Variants in SRGAP1 observed in about 807,000 individuals in gnomAD.
SRGAP1 encodes the protein SLIT-ROBO Rho GTPase activating protein 1.
Under a neutral mutation model 121.9 loss-of-function variants are expected in SRGAP1, and 43 were observed. The ratio of observed to expected loss-of-function variants is 0.35; its 90% CI spans 0.28 to 0.46. The LOEUF (loss-of-function observed/expected upper bound fraction) is 0.46, where lower values mean the gene tolerates loss of function less well. Ranked by LOEUF, SRGAP1 falls within the 20% of genes least tolerant of loss-of-function variation. The pLI, the probability that SRGAP1 is intolerant of heterozygous loss-of-function variation, is 1.00. For synonymous variants in SRGAP1, 447 were observed against 485.4 expected (o/e 0.92, Z 1.04); for missense variants, 1,102 against 1,350.9 (o/e 0.82, Z 2.89).
intron 1 of SRGAP1, among the ~76,000 whole-genome samples, chr12:63,955,712 A>G (rs929501449): frequency 6.6e-6 from 1 of 152,064 alleles, no homozygotes; most frequent in African/African-American, 2.4e-5. Context: ...TATTTTTGAA[A>G]AAAAAAAACA....
At chr12:64,120,256 G>GT (rs1234351595) in intron 18 of SRGAP1, among the ~76,000 whole-genome samples, 2 of 151,986 alleles carry the variant, frequency 1.3e-5, no homozygotes, top group Non-Finnish European at 2.9e-5. Flanking sequence ...ATTTTCCACT[G>GT]TGTTTGTAAA....
At chr12:64,086,415 G>A (rs2035940064) in intron 10 of SRGAP1, among the ~76,000 whole-genome samples, 1 of 152,116 alleles carries the variant, frequency 6.6e-6, no homozygotes, top group Non-Finnish European at 1.5e-5. Context: ...TCTGTGAAAG[G>A]CTTTTAGCTT....
At chr12:63,862,906 A>G (rs1332353715) in intron 1 of SRGAP1, among the ~76,000 whole-genome samples, 2 of 152,200 alleles carry the variant, frequency 1.3e-5, no homozygotes, top group African/African-American at 2.4e-5. Context: ...AGATTTGATC[A>G]TTGCTGCAGG....
intron 4 of SRGAP1, among the ~76,000 whole-genome samples, chr12:64,035,882 C>G (rs2136494624): frequency 6.6e-6 from 1 of 152,334 alleles, no homozygotes. Context: ...TGCACTGTTA[C>G]TTCTACATCA....
intron 11 of SRGAP1, among the ~76,000 whole-genome samples, chr12:64,089,246 A>G (rs559638872): frequency 4.7e-4 from 72 of 152,258 alleles, no homozygotes; most frequent in African/African-American, 1.6e-3. Context: ...GATAGTCCCT[A>G]TGCCCCAAAG....
intron 8 of SRGAP1, among the ~76,000 whole-genome samples, chr12:64,072,375 G>A (rs1172120452): frequency 2.6e-5 from 4 of 152,072 alleles, no homozygotes; most frequent in Non-Finnish European, 5.9e-5. Context: ...TACATGGAGT[G>A]TGTTATGGTA....
At chr12:63,961,056 T>C (rs960423871) in intron 1 of SRGAP1, among the ~76,000 whole-genome samples, 4 of 152,210 alleles carry the variant, frequency 2.6e-5, no homozygotes, top group African/African-American at 7.2e-5. Flanking sequence ...CCTGTAATCA[T>C]TGATTTTTTT....
intron 4 of SRGAP1, among the ~76,000 whole-genome samples, chr12:64,018,159 G>C (rs745764643): frequency 2.6e-5 from 4 of 152,056 alleles, no homozygotes; most frequent in Non-Finnish European, 4.4e-5. Flanking sequence ...GCACAATCTC[G>C]GTCACTGCAA....
chr12:64,141,264 AAGT>A (rs1253200207), intron 21 of SRGAP1, among the ~76,000 whole-genome samples: 2 of 116,722 alleles, frequency 1.7e-5, no homozygotes, highest in African/African-American at 3.8e-5. Context: ...CTAAAACTTA[AAGT>A]ATAATAAAAA....
In SRGAP1 at chr12:64,151,512, A is replaced by T. The variant is rs1201104548; in HGVS notation, c.*8840A>T. The stretch of plus-strand genomic sequence containing the variant: ...TCATAAAGTTAGCATTGACTCCAAA[A>T]AGTGAAATCACTGGGTCAGAGGATG... On this transcript the variant is annotated 3_prime_UTR_variant, in exon 22 of 22. Coordinates refer to ENST00000355086, the MANE Select transcript of SRGAP1 (RefSeq NM_020762.4). The T allele has an allele frequency of 6.6e-6, 1 of 152,198 alleles. No homozygotes were observed. Among genetic ancestry groups the T allele is most frequent in the African/African-American group, 2.4e-5 (1 of 41,444 alleles). 9.4% of individuals were successfully genotyped at this position (152,198 alleles called of 1,614,324 possible).
At position 64,152,132 on chromosome 12, in the gene SRGAP1, C is replaced by G. The variant is rs1243911363; in HGVS notation, c.*9460C>G. 1 of 152,178 alleles carries G rather than the reference C, an allele frequency of 6.6e-6. No homozygotes were observed. The highest frequency in any genetic ancestry group is 1.9e-4 in the East Asian group (1 of 5,202). 9.4% of individuals were successfully genotyped at this position (152,178 alleles called of 1,614,324 possible). A position where few individuals can be genotyped will look rare whatever the true frequency, so the allele number is the denominator to read the frequency against. On this transcript the variant is annotated 3_prime_UTR_variant, in exon 22 of 22. Transcript: ENST00000355086. Reference sequence around the variant, plus strand: ...TACCATGTACTGACATCGTTTTCCTCAACACGTTGCATGTCAATAGCCAAC... The same window carrying G: ...TACCATGTACTGACATCGTTTTCCTGAACACGTTGCATGTCAATAGCCAAC...
At chr12:63,884,280 G>A (rs557675514) in intron 1 of SRGAP1, among the ~76,000 whole-genome samples, 2 of 151,890 alleles carry the variant, frequency 1.3e-5, no homozygotes, top group East Asian at 2.0e-4. Context: ...GTAAGACTCC[G>A]ACTCAAAAAA....
At chr12:63,912,243 A>T (rs567143561) in intron 1 of SRGAP1, among the ~76,000 whole-genome samples, 1 of 152,242 alleles carries the variant, frequency 6.6e-6, no homozygotes, top group East Asian at 1.9e-4. Context: ...TGAGGTAGGT[A>T]CTGACACTAT....
chr12:63,929,429 C>G (rs938537313), intron 1 of SRGAP1, among the ~76,000 whole-genome samples: 1 of 152,188 alleles, frequency 6.6e-6, no homozygotes, highest in Non-Finnish European at 1.5e-5. Flanking sequence ...ATGACAGCAC[C>G]TCAGTGCTCC....
At chr12:64,018,299 C>G (rs934096813) in intron 4 of SRGAP1, among the ~76,000 whole-genome samples, 5 of 152,094 alleles carry the variant, frequency 3.3e-5, no homozygotes, top group African/African-American at 1.2e-4. Flanking sequence ...CCATGTTGGC[C>G]AGGCTGGTTT....
At chr12:63,948,785 A>G (rs1235959574) in intron 1 of SRGAP1, among the ~76,000 whole-genome samples, 3 of 146,636 alleles carry the variant, frequency 2.0e-5, no homozygotes, top group Non-Finnish European at 4.5e-5. Context: ...TATTCCATAT[A>G]TATGTTTTCC....
chr12:63,900,896 G>T (rs965655427), intron 1 of SRGAP1, among the ~76,000 whole-genome samples: 1 of 151,890 alleles, frequency 6.6e-6, no homozygotes, highest in African/African-American at 2.4e-5. Flanking sequence ...CTAAAGAAAA[G>T]GTTTATGTAT....
chr12:63,915,011 G>A (rs950931166), intron 1 of SRGAP1, among the ~76,000 whole-genome samples: 1 of 152,052 alleles, frequency 6.6e-6, no homozygotes, highest in Non-Finnish European at 1.5e-5. Context: ...AATCTACTCA[G>A]CATTTCAAGT....
At chr12:63,848,508 A>C (rs1898976111) in intron 1 of SRGAP1, among the ~76,000 whole-genome samples, 1 of 151,942 alleles carries the variant, frequency 6.6e-6, no homozygotes. Flanking sequence ...TTTCTTATCT[A>C]TAAGATAAGG....
Sources: gnomAD v4.1 joint callset for allele counts (sites outside exome capture counted in the v4.1 genomes callset) on GRCh38, gnomAD v4.1.1 for gene constraint, MANE v1.5 for transcripts, NCBI Gene and HGNC (gene_info 2026-07-23, HGNC 2026-07-21) for gene names.